TPRG1: variants seen among roughly 807,000 people sequenced by gnomAD.
TPRG1 encodes the protein tumor protein p63 regulated 1.
In TPRG1, 29 loss-of-function variants were observed where a neutral mutation model predicts 29.3. The ratio of observed to expected loss-of-function variants is 0.99; its 90% CI spans 0.74 to 1.35. TPRG1 has a LOEUF of 1.35. TPRG1 is among the 40% of genes most tolerant of loss of function. TPRG1 has a pLI of 0.00. For missense variants in TPRG1, 327 were observed against 335.0 expected (o/e 0.98, Z 0.19); for synonymous variants, 130 against 116.8 (o/e 1.11, Z -0.73).
intron 4 of TPRG1, among the ~76,000 whole-genome samples, chr3:189,029,913 C>A (rs1356420740): frequency 2.0e-5 from 3 of 152,128 alleles, no homozygotes; most frequent in African/African-American, 7.2e-5. Flanking sequence ...TTCCTGAGGC[C>A]GCACCATAAG....
chr3:189,296,071 T>G (rs949725825), intron 4 of TPRG1, among the ~76,000 whole-genome samples: 7 of 152,216 alleles, frequency 4.6e-5, no homozygotes, highest in South Asian at 2.1e-4. Context: ...GATGAGTTGG[T>G]AAGTCAATGC....
At chr3:189,254,976 A>G (rs922153188) in intron 4 of TPRG1, among the ~76,000 whole-genome samples, 1 of 152,130 alleles carries the variant, frequency 6.6e-6, no homozygotes, top group Non-Finnish European at 1.5e-5. Flanking sequence ...AAACAGAGAT[A>G]ATTTGACTTC....
intron 3 of TPRG1, among the ~76,000 whole-genome samples, chr3:189,018,429 A>G (rs1368017414): frequency 6.9e-6 from 1 of 145,608 alleles, no homozygotes. Context: ...GAAGGAATCC[A>G]GTTTCAGCTT....
intron 3 of TPRG1, chr3:189,004,801 A>C (rs1376175241): frequency 6.6e-6 from 1 of 152,160 alleles, no homozygotes; most frequent in Non-Finnish European, 1.5e-5. Flanking sequence ...CTGGGGATTT[A>C]ACCTCAGAAG....
intron 3 of TPRG1, among the ~76,000 whole-genome samples, chr3:189,142,085 G>T (rs1401838665): frequency 6.6e-6 from 1 of 152,184 alleles, no homozygotes; most frequent in African/African-American, 2.4e-5. Flanking sequence ...TGTCTTTGCT[G>T]AGCAGGTGGC....
At chr3:189,132,965 G>A (rs1038601128) in intron 3 of TPRG1, among the ~76,000 whole-genome samples, 5 of 152,084 alleles carry the variant, frequency 3.3e-5, no homozygotes, top group South Asian at 2.1e-4. Context: ...AGGAAGCGGG[G>A]CCAGTACACA....
chr3:189,229,347 G>T (rs1255390805), intron 3 of TPRG1, among the ~76,000 whole-genome samples: 1 of 152,130 alleles, frequency 6.6e-6, no homozygotes, highest in African/African-American at 2.4e-5. Flanking sequence ...CTCTTAACTG[G>T]CAGGCAGTTC....
At chr3:189,116,620 A>G (rs895583479) in intron 1 of TPRG1, among the ~76,000 whole-genome samples, 1 of 152,238 alleles carries the variant, frequency 6.6e-6, no homozygotes, top group African/African-American at 2.4e-5. Flanking sequence ...AAAGGAAAGA[A>G]ATTCTGACAT....
chr3:189,046,263 T>C (rs756249204), intron 4 of TPRG1, among the ~76,000 whole-genome samples: 1 of 152,182 alleles, frequency 6.6e-6, no homozygotes, highest in Non-Finnish European at 1.5e-5. Flanking sequence ...AACATCTCTG[T>C]TGGTGGACAG....
At position 189,215,310 on chromosome 3, in the gene TPRG1, G is replaced by A. The variant is rs1156942248; in HGVS notation, c.229G>A (p.Ala77Thr). The A allele has an allele frequency of 5.0e-6, 8 of 1,612,582 alleles. No individual in the cohort carries two copies. The highest frequency in any genetic ancestry group is 6.8e-6 in the Non-Finnish European group (8 of 1,179,434). ...CACACAGCCGGGGGCCATTGAGACT[G>A]CCATGGAAGACTTGAAAGGTCACGT... ...FATRPGAIET[A>T]MEDLKGHVAE... The change falls in exon 3 of 6, where the codon GCC (alanine) becomes ACC (threonine). Residue 77 changes from alanine to threonine, a missense_variant. Transcript: ENST00000345063.
At chr3:189,293,409 A>T (rs981488275) in intron 4 of TPRG1, among the ~76,000 whole-genome samples, 2 of 152,154 alleles carry the variant, frequency 1.3e-5, no homozygotes, top group Non-Finnish European at 2.9e-5. Flanking sequence ...GGACCTGGAT[A>T]ACTAAAGGCT....
intron 4 of TPRG1, among the ~76,000 whole-genome samples, chr3:189,252,285 ACTT>A (rs1012627554): frequency 2.6e-5 from 4 of 152,118 alleles, no homozygotes; most frequent in South Asian, 2.1e-4. Context: ...TCCTATGTCT[ACTT>A]CTTTCTACAC....
chr3:189,207,758 T>A (rs1034881242), intron 2 of TPRG1, among the ~76,000 whole-genome samples, 164 bp downstream of exon 2: 4 of 152,166 alleles, frequency 2.6e-5, no homozygotes, highest in African/African-American at 4.8e-5. Context: ...AGATGAAGGA[T>A]CTGAACTTTA....
At chr3:189,221,950 CT>C (rs1013321490) in intron 3 of TPRG1, among the ~76,000 whole-genome samples, 6 of 148,270 alleles carry the variant, frequency 4.0e-5, no homozygotes, top group South Asian at 2.2e-4. Context: ...TCTCGTTACA[CT>C]GCTTTTGCTG....
chr3:189,238,590 G>A, intron 3 of TPRG1, 143 bp from the exon 4 acceptor site: 1 of 572,924 alleles, frequency 1.7e-6, no homozygotes, highest in South Asian at 2.8e-5. Context: ...TGGGGTAGTG[G>A]TGTGGTATTA....
chr3:189,207,546 C>G lies in TPRG1; in HGVS notation c.162C>G (p.Pro54=), dbSNP rs761255942. 4.3e-6 allele frequency: 7 copies of G among 1,613,892 alleles called. No homozygotes were observed. The Admixed American group carries it at 1.2e-4, about 27-fold the overall frequency. Reference sequence around the variant, plus strand: ...GTGTGACCGAATCAACTCTTTACCCCAATCCTTATCATCAGCCTTATATCT... The same window carrying G: ...GTGTGACCGAATCAACTCTTTACCCGAATCCTTATCATCAGCCTTATATCT... ...QSSVTESTLY[P]NPYHQPYISR... Residue 54 remains proline, a synonymous_variant, in exon 2 of 6, where the codon CCC becomes CCG. Transcript: ENST00000345063.
At chr3:189,303,052 G>A (rs553527693) in intron 4 of TPRG1, among the ~76,000 whole-genome samples, 2 of 152,218 alleles carry the variant, frequency 1.3e-5, no homozygotes, top group South Asian at 4.2e-4. Flanking sequence ...ACAACAGCTG[G>A]CTTTCATAAA....
intron 4 of TPRG1, among the ~76,000 whole-genome samples, chr3:189,294,864 T>G (rs1719629811): frequency 6.6e-6 from 1 of 152,138 alleles, no homozygotes; most frequent in Admixed American, 6.5e-5. Context: ...AATTTTTTTT[T>G]TATTACACTT....
chr3:189,178,595 T>A (rs187370317), intron 1 of TPRG1, among the ~76,000 whole-genome samples: 1 of 152,356 alleles, frequency 6.6e-6, no homozygotes, highest in African/African-American at 2.4e-5. Context: ...TTATTTTATC[T>A]TTCTACAACC....
Sources: allele counts gnomAD v4.1 joint callset (sites outside exome capture counted in the v4.1 genomes callset), GRCh38; gene constraint gnomAD v4.1.1; transcripts MANE v1.5; gene names NCBI Gene and HGNC (gene_info 2026-07-23, HGNC 2026-07-21).